Variants in PDE11A observed in about 807,000 individuals in gnomAD.
The protein encoded by PDE11A is phosphodiesterase 11A.
In PDE11A, 100 loss-of-function variants were observed where a neutral mutation model predicts 100.5. That is an observed-to-expected ratio of 1.00 (90% confidence interval 0.85 to 1.18). PDE11A has a LOEUF of 1.18. Among genes scored for constraint, PDE11A ranks in the 50% most tolerant of loss-of-function variants. The pLI, the probability that PDE11A is intolerant of heterozygous loss-of-function variation, is 0.00. For synonymous variants in PDE11A, 381 were observed against 420.8 expected, an observed-to-expected ratio of 0.91 and a Z score of 1.16; for missense variants, 1,141 against 1,152.6, an observed-to-expected ratio of 0.99 and a Z score of 0.15.
intron 6 of PDE11A, among the ~76,000 whole-genome samples, chr2:177,822,213 GT>G (rs1240596764): frequency 2.0e-5 from 3 of 151,570 alleles, no homozygotes; most frequent in African/African-American, 7.3e-5. Flanking sequence ...AATCCTTACT[GT>G]TTTAACTTTC....
chr2:177,739,383 G>A (rs1419786326), intron 10 of PDE11A, among the ~76,000 whole-genome samples: 1 of 152,076 alleles, frequency 6.6e-6, no homozygotes, highest in Non-Finnish European at 1.5e-5. Flanking sequence ...GCCAGAAGAG[G>A]GGTTTTATTT....
At chr2:177,966,933 G>A (rs1342790238) in intron 2 of PDE11A, among the ~76,000 whole-genome samples, 1 of 152,066 alleles carries the variant, frequency 6.6e-6, no homozygotes, top group Non-Finnish European at 1.5e-5. Context: ...ATTGGTGACA[G>A]CTCTTCTTTA....
At chr2:177,818,827 A>C (rs541052995) in intron 7 of PDE11A, among the ~76,000 whole-genome samples, 20 of 152,030 alleles carry the variant, frequency 1.3e-4, no homozygotes, top group Admixed American at 2.6e-4. Flanking sequence ...CTATCTTGAA[A>C]ACCACTAGCC....
At chr2:177,739,668 T>G (rs1401766301) in intron 10 of PDE11A, among the ~76,000 whole-genome samples, 1 of 152,232 alleles carries the variant, frequency 6.6e-6, no homozygotes, top group Non-Finnish European at 1.5e-5. Flanking sequence ...ATCTCTCTGC[T>G]GTTGTCTCAA....
At chr2:177,995,537 T>C (rs903601589) in intron 2 of PDE11A, among the ~76,000 whole-genome samples, 21 of 152,114 alleles carry the variant, frequency 1.4e-4, no homozygotes, top group African/African-American at 5.1e-4. Flanking sequence ...ATAGCAAACT[T>C]GAGGAGGGAA....
At chr2:177,639,369 C>T (rs1339487758) in intron 19 of PDE11A, among the ~76,000 whole-genome samples, 1 of 152,106 alleles carries the variant, frequency 6.6e-6, no homozygotes, top group East Asian at 1.9e-4. Context: ...GCTTAGTATC[C>T]CACAAGCTCA....
chr2:178,104,318 C>T (rs745876125), exon 2 of PDE11A: 5 of 1,613,812 alleles, frequency 3.1e-6, no homozygotes, highest in Non-Finnish European at 3.4e-6. Context: ...TTTTGTTTGC[C>T]TCTGTATAAG....
At chr2:177,749,223 TGAGA>T (rs2081994938) in intron 10 of PDE11A, among the ~76,000 whole-genome samples, 1 of 152,126 alleles carries the variant, frequency 6.6e-6, no homozygotes, top group Admixed American at 6.5e-5. Flanking sequence ...GTTTGTTTTG[TGAGA>T]GAGGGTCTCT....
intron 2 of PDE11A, among the ~76,000 whole-genome samples, chr2:177,952,786 G>A (rs1359970564): frequency 1.3e-5 from 2 of 151,812 alleles, no homozygotes; most frequent in Admixed American, 6.6e-5. Context: ...TCTGTGGTTC[G>A]CCCCCACTCT....
Position 177,658,719 on chromosome 2 carries a change from C to CTTT in PDE11A, c.2646+5144_2646+5146dup, listed in dbSNP as rs60062998. 1.9e-4 allele frequency among the ~76,000 whole-genome samples: 27 copies of CTTT among 141,552 alleles called. 1 individual carries two copies. Among genetic ancestry groups the CTTT allele is most frequent in the African/African-American group, 5.0e-4 (19 of 38,178 alleles). 92.9% of individuals were successfully genotyped at this position (141,552 alleles called of 152,430 possible). On this transcript the variant is annotated intron_variant, in intron 19 of 19. Transcript: ENST00000286063. Reference sequence around the variant, plus strand: ...GGAAACTAACTGATTTGAGTGGTGTCTTTTTTTTTTTTTTTAATATCTGAT... The same window carrying CTTT: ...GGAAACTAACTGATTTGAGTGGTGTCTTTTTTTTTTTTTTTTTTAATATCTGAT...
At chr2:178,094,858 G>GA (rs2087468874) in intron 2 of PDE11A, among the ~76,000 whole-genome samples, 1 of 152,114 alleles carries the variant, frequency 6.6e-6, no homozygotes, top group Non-Finnish European at 1.5e-5. Context: ...TGAAAAGGAG[G>GA]AATTTCCAAA....
At chr2:177,879,726 G>A (rs773064201) in intron 4 of PDE11A, among the ~76,000 whole-genome samples, 16 of 152,058 alleles carry the variant, frequency 1.1e-4, no homozygotes, top group Non-Finnish European at 1.9e-4. Context: ...ATAAGAAATG[G>A]AATAGGAAAT....
intron 4 of PDE11A, among the ~76,000 whole-genome samples, chr2:177,878,398 C>T (rs2084275475): frequency 6.6e-6 from 1 of 152,078 alleles, no homozygotes; most frequent in Admixed American, 6.6e-5. Flanking sequence ...ATGCTACATG[C>T]CTTCCAAGGT....
chr2:177,629,792 A>G (rs12618542), intron 19 of PDE11A, among the ~76,000 whole-genome samples: 105,833 of 152,136 alleles, frequency 0.7, 39,963 homozygotes, highest in East Asian at 0.87. Context: ...TCACCAGCAT[A>G]GCTGTGTACA....
At chr2:177,858,646 T>A (rs1014605072) in intron 5 of PDE11A, among the ~76,000 whole-genome samples, 4 of 152,316 alleles carry the variant, frequency 2.6e-5, no homozygotes, top group East Asian at 1.9e-4. Context: ...ACACTGTTAG[T>A]GGGAGTGTAA....
chr2:177,940,692 T>G (rs1246379556), intron 2 of PDE11A, among the ~76,000 whole-genome samples: 2 of 152,242 alleles, frequency 1.3e-5, no homozygotes, highest in Non-Finnish European at 2.9e-5. Flanking sequence ...ATGGTATTAA[T>G]AGCTGTCATG....
At chr2:178,089,310 T>C (rs960524355) in intron 2 of PDE11A, among the ~76,000 whole-genome samples, 3 of 152,134 alleles carry the variant, frequency 2.0e-5, no homozygotes, top group African/African-American at 7.2e-5. Context: ...AAGATGTTAC[T>C]GAAGAAGAGA....
At chr2:177,958,007 C>T (rs895424218) in intron 2 of PDE11A, among the ~76,000 whole-genome samples, 4 of 150,460 alleles carry the variant, frequency 2.7e-5, no homozygotes, top group African/African-American at 9.9e-5. Context: ...TCAAGCTATT[C>T]CCCTGCTTCA....
intron 2 of PDE11A, among the ~76,000 whole-genome samples, chr2:177,960,820 A>C (rs946731417): frequency 6.6e-6 from 1 of 152,210 alleles, no homozygotes; most frequent in African/African-American, 2.4e-5. Flanking sequence ...ATTTAATATT[A>C]GTCTAGTCTT....
Sources: gnomAD v4.1 joint callset for allele counts (sites outside exome capture counted in the v4.1 genomes callset) on GRCh38, gnomAD v4.1.1 for gene constraint, MANE v1.5 for transcripts, NCBI Gene and HGNC (gene_info 2026-07-23, HGNC 2026-07-21) for gene names.